TMCC3: variants seen among roughly 807,000 people sequenced by gnomAD.
TMCC3 encodes the protein transmembrane and coiled-coil domain family 3.
Under a neutral mutation model 40.2 loss-of-function variants are expected in TMCC3, and 28 were observed. The observed-to-expected ratio is 0.70, with a 90% CI of 0.52 to 0.95. TMCC3 has a LOEUF of 0.95. TMCC3 is among the 40% of genes least tolerant of loss of function. TMCC3 has a pLI of 0.00. For synonymous variants in TMCC3, 255 were observed against 248.5 expected, an observed-to-expected ratio of 1.03 and a Z score of -0.25; for missense variants, 554 against 615.2, an observed-to-expected ratio of 0.90 and a Z score of 1.05.
At chr12:94,641,682 T>C (rs988122840) in intron 1 of TMCC3, among the ~76,000 whole-genome samples, 1 of 152,132 alleles carries the variant, frequency 6.6e-6, no homozygotes, top group Admixed American at 6.5e-5. Flanking sequence ...CACTCGGTGC[T>C]AGAAGAGACC....
chr12:94,609,070 A>G (rs1390783374), intron 1 of TMCC3, among the ~76,000 whole-genome samples: 1 of 151,928 alleles, frequency 6.6e-6, no homozygotes, highest in East Asian at 1.9e-4. Flanking sequence ...TCTACAAAAA[A>G]TTTAAAAATT....
chr12:94,626,839 TTTG>T (rs774919056), intron 1 of TMCC3, among the ~76,000 whole-genome samples: 82 of 152,202 alleles, frequency 5.4e-4, no homozygotes, highest in Non-Finnish European at 8.2e-4. Context: ...TTAATTTGTT[TTTG>T]TTGTTGTTGT....
At chr12:94,593,390 G>T (rs867288795) in intron 1 of TMCC3, among the ~76,000 whole-genome samples, 1 of 18,684 alleles carries the variant, frequency 5.4e-5, no homozygotes, top group Non-Finnish European at 1.0e-4. Flanking sequence ...AAAGAAAGAA[G>T]AAAGAAGAAA....
Position 94,626,504 on chromosome 12 carries a change from A to G in TMCC3, c.78+23849T>C, listed in dbSNP as rs182767945. On this transcript the variant is annotated intron_variant, in intron 1 of 3. Coordinates refer to ENST00000261226, the MANE Select transcript of TMCC3 (RefSeq NM_020698.4). ...ATGTATTAAACACTGAACCCTGGGGAAAAAAAGTCCTGCTTTCTGTTGAAA... is the reference window on the plus strand; with the variant it reads ...ATGTATTAAACACTGAACCCTGGGGGAAAAAAGTCCTGCTTTCTGTTGAAA... 7.2e-5 allele frequency among the ~76,000 whole-genome samples: 11 copies of G among 152,302 alleles called. No homozygotes were observed. In the South Asian group the frequency reaches 1.9e-3, roughly 26 times the overall value.
At chr12:94,587,575 G>A (rs78315117) in intron 1 of TMCC3, among the ~76,000 whole-genome samples, 2,019 of 152,266 alleles carry the variant, frequency 0.013, 56 homozygotes, top group East Asian at 0.11. Context: ...TCAAAGAGTT[G>A]TGAGGAATAA....
At chr12:94,644,696 CTGTG>C (rs2069008819) in intron 1 of TMCC3, among the ~76,000 whole-genome samples, 2 of 152,340 alleles carry the variant, frequency 1.3e-5, no homozygotes, top group South Asian at 4.1e-4. Flanking sequence ...AAAACGATAT[CTGTG>C]TACTACTCAA....
At chr12:94,594,750 T>C (rs1015671380) in intron 1 of TMCC3, among the ~76,000 whole-genome samples, 26 of 152,226 alleles carry the variant, frequency 1.7e-4, no homozygotes, top group African/African-American at 6.3e-4. Flanking sequence ...TGCCCTGCCC[T>C]GGCAGCCCAG....
intron 1 of TMCC3, among the ~76,000 whole-genome samples, chr12:94,649,788 C>T (rs1429335831): frequency 6.6e-6 from 1 of 152,280 alleles, no homozygotes; most frequent in African/African-American, 2.4e-5. Flanking sequence ...AGGGCGCCTG[C>T]TCGGCTCGGC....
chr12:94,568,678 C>T lies in TMCC3; in HGVS notation c.*2757G>A, dbSNP rs1422816255. ...TGTTTATTCCTTAAGAGAGAATAAA[C>T]TGCAGAGATTAAAAGTTTCCTTCGA... On this transcript the variant is annotated 3_prime_UTR_variant, in exon 4 of 4. Coordinates refer to ENST00000261226, the MANE Select transcript of TMCC3 (RefSeq NM_020698.4). The T allele has an allele frequency of 6.6e-6, 1 of 152,166 alleles. No homozygotes were observed. Among genetic ancestry groups the T allele is most frequent in the East Asian group, 1.9e-4 (1 of 5,200 alleles). 9.4% of individuals were successfully genotyped at this position (152,166 alleles called of 1,614,324 possible).
At chr12:94,649,871 G>A (rs752118268) in intron 1 of TMCC3, among the ~76,000 whole-genome samples, 3 of 152,174 alleles carry the variant, frequency 2.0e-5, no homozygotes, top group Non-Finnish European at 4.4e-5. Context: ...GCCTCCCCGC[G>A]CTCCGGCTGC....
chr12:94,600,245 T>G (rs1245690478), intron 1 of TMCC3, among the ~76,000 whole-genome samples: 2 of 148,346 alleles, frequency 1.3e-5, no homozygotes, highest in African/African-American at 2.5e-5. Flanking sequence ...TTCTGGTTTT[T>G]TTTTTTTTTT....
At chr12:94,576,119 G>C (rs528209322) in intron 3 of TMCC3, among the ~76,000 whole-genome samples, 1 of 152,206 alleles carries the variant, frequency 6.6e-6, no homozygotes, top group African/African-American at 2.4e-5. Context: ...CAAGTTTCTC[G>C]AATAAGCCAG....
intron 3 of TMCC3, among the ~76,000 whole-genome samples, chr12:94,571,962 C>T (rs1004962297): frequency 2.6e-5 from 4 of 152,176 alleles, no homozygotes; most frequent in African/African-American, 4.8e-5. Flanking sequence ...GATACAACCA[C>T]AAAATACCAT....
At chr12:94,590,910 T>C in intron 1 of TMCC3, 2 of 585,218 alleles carry the variant, frequency 3.4e-6, no homozygotes, top group Non-Finnish European at 6.8e-6. Context: ...AGTGAGTTTA[T>C]GTGAAAATGA....
At chr12:94,629,176 C>T (rs574565642) in intron 1 of TMCC3, among the ~76,000 whole-genome samples, 2 of 152,272 alleles carry the variant, frequency 1.3e-5, no homozygotes, top group African/African-American at 4.8e-5. Context: ...AGGCTAATCA[C>T]AGGTGAACCG....
intron 1 of TMCC3, among the ~76,000 whole-genome samples, chr12:94,610,441 A>T (rs1203501890): frequency 1.3e-5 from 2 of 151,944 alleles, no homozygotes; most frequent in Non-Finnish European, 2.9e-5. Context: ...AAAAAAAAAA[A>T]AATTTTTTTT....
Position 94,581,909 on chromosome 12 carries a change from G to A in TMCC3, c.708C>T (p.Ala236=). Residue 236 remains alanine (A), a synonymous_variant, in exon 2 of 4, where the codon GCC becomes GCT. Transcript: ENST00000261226. ...SLEEFRPEAS[A]RAYGGSATIV... ...TGGTAGCGCTGCCCCCGTAGGCCCTGGCACTCGCCTCTGGCCTAAACTCCT... is the reference window on the plus strand; with the variant it reads ...TGGTAGCGCTGCCCCCGTAGGCCCTAGCACTCGCCTCTGGCCTAAACTCCT... 6.2e-7 allele frequency: 1 copy of A among 1,614,222 alleles called. No individual in the cohort carries two copies. The highest frequency in any genetic ancestry group is 8.5e-7 in the Non-Finnish European group (1 of 1,180,038).
At chr12:94,602,648 G>A (rs1410569367) in intron 1 of TMCC3, among the ~76,000 whole-genome samples, 2 of 152,154 alleles carry the variant, frequency 1.3e-5, no homozygotes, top group Non-Finnish European at 2.9e-5. Flanking sequence ...TTAGAGACAA[G>A]GTCTTGCTCT....
intron 1 of TMCC3, among the ~76,000 whole-genome samples, chr12:94,587,700 TA>T (rs1192206528): frequency 6.6e-6 from 1 of 152,224 alleles, no homozygotes; most frequent in Non-Finnish European, 1.5e-5. Context: ...AAAATGTACC[TA>T]AATTCAATTT....
Sources: gnomAD v4.1 joint callset for allele counts (sites outside exome capture counted in the v4.1 genomes callset) on GRCh38, gnomAD v4.1.1 for gene constraint, MANE v1.5 for transcripts, NCBI Gene and HGNC (gene_info 2026-07-23, HGNC 2026-07-21) for gene names.